The following PPP1R12B variants were observed in gnomAD, a reference collection of about 807,000 sequenced individuals.
The protein encoded by PPP1R12B is protein phosphatase 1 regulatory subunit 12B.
PPP1R12B carries 76 observed loss-of-function variants against 126.1 expected under a neutral mutation model. That is an observed-to-expected ratio of 0.60 (90% CI 0.50 to 0.73). The LOEUF (loss-of-function observed/expected upper bound fraction) is 0.73. Ranked by LOEUF, PPP1R12B falls within the 30% of genes least tolerant of loss-of-function variation. The pLI, the probability that PPP1R12B is intolerant of heterozygous loss-of-function variation, is 0.00. For synonymous variants in PPP1R12B, 356 were observed against 434.7 expected (o/e 0.82, Z 2.25); for missense variants, 1,052 against 1,205.1 (o/e 0.87, Z 1.88).
At chr1:202,354,801 C>T (rs1033819160) in intron 1 of PPP1R12B, among the ~76,000 whole-genome samples, 2 of 150,920 alleles carry the variant, frequency 1.3e-5, no homozygotes, top group Non-Finnish European at 3.0e-5. Context: ...GGGGGTGACA[C>T]CACGCCTGGC....
intron 18 of PPP1R12B, among the ~76,000 whole-genome samples, chr1:202,507,751 G>A (rs546624323): frequency 7.2e-5 from 11 of 152,276 alleles, no homozygotes; most frequent in South Asian, 2.1e-4. Context: ...CTATGATGGC[G>A]TTGATCATAG....
At chr1:202,459,418 T>C (rs1264699038) in intron 13 of PPP1R12B, among the ~76,000 whole-genome samples, 1 of 152,086 alleles carries the variant, frequency 6.6e-6, no homozygotes, top group Non-Finnish European at 1.5e-5. Flanking sequence ...ATAATAGAGA[T>C]TCAAGGTTTG....
At chr1:202,485,169 C>T (rs990074031) in intron 13 of PPP1R12B, among the ~76,000 whole-genome samples, 6 of 152,146 alleles carry the variant, frequency 3.9e-5, no homozygotes, top group Admixed American at 3.9e-4. Context: ...TTGGCTGTTC[C>T]TGGGGTTGGG....
rs1689539530 is a variant in PPP1R12B at position 202,581,398 on chromosome 1, A to T, written c.*838A>T. On this transcript the variant is annotated 3_prime_UTR_variant, in exon 24 of 24. Coordinates refer to ENST00000608999, the MANE Select transcript of PPP1R12B (RefSeq NM_002481.4). ...ATCATCACTCTGGTGCCTTGGTGGCAGCACCACTGCCTGCTCCCTGGAAGG... is the reference window on the plus strand; with the variant it reads ...ATCATCACTCTGGTGCCTTGGTGGCTGCACCACTGCCTGCTCCCTGGAAGG... The T allele has an allele frequency of 1.3e-5, 2 of 152,294 alleles. No homozygotes were observed. Among genetic ancestry groups the T allele is most frequent in the Admixed American group, 6.5e-5 (1 of 15,276 alleles). 9.4% of individuals were successfully genotyped at this position (152,294 alleles called of 1,614,324 possible). A position where few individuals can be genotyped will look rare whatever the true frequency, so the allele number is the denominator to read the frequency against.
At chr1:202,480,575 T>G (rs1677216566) in intron 13 of PPP1R12B, among the ~76,000 whole-genome samples, 1 of 152,180 alleles carries the variant, frequency 6.6e-6, no homozygotes, top group South Asian at 2.1e-4. Context: ...AATTAAAAAT[T>G]TAAACTTTCA....
chr1:202,526,514 T>C (rs1054074689), intron 18 of PPP1R12B, among the ~76,000 whole-genome samples: 8 of 151,814 alleles, frequency 5.3e-5, no homozygotes, highest in African/African-American at 1.7e-4. Flanking sequence ...AGGCAGAAAA[T>C]TGGATTTAAA....
chr1:202,433,274 G>C (rs1456069073), intron 8 of PPP1R12B, among the ~76,000 whole-genome samples: 1 of 152,128 alleles, frequency 6.6e-6, no homozygotes, highest in Non-Finnish European at 1.5e-5. Flanking sequence ...ACTTTTGTTA[G>C]TTGCCAAGGT....
At chr1:202,392,080 C>T (rs572651595) in intron 1 of PPP1R12B, among the ~76,000 whole-genome samples, 7 of 122,324 alleles carry the variant, frequency 5.7e-5, no homozygotes, top group Admixed American at 3.3e-4. Context: ...TTCAGGTGTA[C>T]TGAAGATAAA....
At chr1:202,560,527 TTGG>T (rs779548373) in intron 19 of PPP1R12B, among the ~76,000 whole-genome samples, 2 of 152,218 alleles carry the variant, frequency 1.3e-5, no homozygotes, top group African/African-American at 2.4e-5. Context: ...TGTTATGGTG[TTGG>T]TGGGAGTGTA....
At chr1:202,377,372 G>C (rs1236047995) in intron 1 of PPP1R12B, among the ~76,000 whole-genome samples, 1 of 150,784 alleles carries the variant, frequency 6.6e-6, no homozygotes, top group Non-Finnish European at 1.5e-5. Flanking sequence ...GCGTGATCTC[G>C]ACTCACTGCA....
intron 13 of PPP1R12B, among the ~76,000 whole-genome samples, chr1:202,463,948 T>G (rs988006916): frequency 2.0e-5 from 3 of 152,208 alleles, no homozygotes; most frequent in Admixed American, 2.0e-4. Flanking sequence ...GTAGAAAGAT[T>G]AGGCCTATTT....
At chr1:202,517,384 G>A (rs1051759202) in intron 18 of PPP1R12B, among the ~76,000 whole-genome samples, 3 of 152,146 alleles carry the variant, frequency 2.0e-5, no homozygotes, top group African/African-American at 7.2e-5. Flanking sequence ...TTCCAGACTT[G>A]CTCTGTGAAT....
At chr1:202,367,502 C>G (rs1469671518) in intron 1 of PPP1R12B, among the ~76,000 whole-genome samples, 1 of 152,110 alleles carries the variant, frequency 6.6e-6, no homozygotes, top group Non-Finnish European at 1.5e-5. Flanking sequence ...CTTGTTCAAC[C>G]CATTCCAGTC....
chr1:202,412,759 C>A (rs1198528456), intron 1 of PPP1R12B, among the ~76,000 whole-genome samples: 1 of 152,020 alleles, frequency 6.6e-6, no homozygotes, highest in Non-Finnish European at 1.5e-5. Context: ...GACTTCAGTA[C>A]CTTTTTGAAA....
chr1:202,389,895 C>G (rs535101193), intron 1 of PPP1R12B, among the ~76,000 whole-genome samples: 7 of 148,558 alleles, frequency 4.7e-5, no homozygotes, highest in Admixed American at 1.4e-4. Flanking sequence ...CCACTGCACT[C>G]CAGTCTGGGC....
In PPP1R12B at chr1:202,584,246, C is replaced by T. The variant is rs932847614; in HGVS notation, c.*3686C>T. On this transcript the variant is annotated 3_prime_UTR_variant, in exon 24 of 24. Coordinates refer to ENST00000608999, the MANE Select transcript of PPP1R12B (RefSeq NM_002481.4). ...TTCTCTTCTGGGCTTCCCCTGGTTT[C>T]TGTCCTAGTTCCCACCCCAAGTTTA... 6.6e-6 allele frequency: 1 copy of T among 152,216 alleles called. No homozygotes were observed. The highest frequency in any genetic ancestry group is 2.4e-5 in the African/African-American group (1 of 41,450). The allele number at this position is 152,216 out of a possible 1,614,324, so 9.4% of individuals were successfully genotyped here. A position where few individuals can be genotyped will look rare whatever the true frequency, so the allele number is the denominator to read the frequency against.
At chr1:202,515,884 T>A (rs1053004414) in intron 18 of PPP1R12B, among the ~76,000 whole-genome samples, 1 of 152,276 alleles carries the variant, frequency 6.6e-6, no homozygotes, top group Admixed American at 6.5e-5. Flanking sequence ...GATTGACCTT[T>A]CCTGGATCAG....
chr1:202,540,284 A>G, intron 18 of PPP1R12B: 4 of 1,461,748 alleles, frequency 2.7e-6, no homozygotes, highest in Non-Finnish European at 3.8e-6. Context: ...AGCTGTGTCA[A>G]AGGTAGAGAA....
intron 1 of PPP1R12B, among the ~76,000 whole-genome samples, chr1:202,393,509 G>T (rs1664463154): frequency 6.6e-6 from 1 of 151,634 alleles, no homozygotes; most frequent in Non-Finnish European, 1.5e-5. Context: ...GGAAATGGGT[G>T]CACTTAACTG....
Sources: allele counts gnomAD v4.1 joint callset (sites outside exome capture counted in the v4.1 genomes callset), GRCh38; gene constraint gnomAD v4.1.1; transcripts MANE v1.5; gene names NCBI Gene and HGNC (gene_info 2026-07-23, HGNC 2026-07-21).